Variants in EML4 observed in about 807,000 individuals in gnomAD.
The protein encoded by EML4 is echinoderm microtubule-associated protein-like 4.
A neutral mutation model predicts 129.0 loss-of-function variants in EML4; 72 were observed. The ratio of observed to expected loss-of-function variants is 0.56; its 90% CI spans 0.46 to 0.68. The LOEUF (loss-of-function observed/expected upper bound fraction) is 0.68, where lower values mean the gene tolerates loss of function less well. EML4 is among the 30% of genes least tolerant of loss of function. The pLI is 0.00. For synonymous variants in EML4, 532 were observed against 405.0 expected (o/e 1.31, Z -3.77); for missense variants, 1,363 against 1,190.6 (o/e 1.14, Z -2.13).
chr2:42,289,321 A>G (rs1268551228), intron 11 of EML4: 1 of 152,142 alleles, frequency 6.6e-6, no homozygotes, highest in Non-Finnish European at 1.5e-5. Flanking sequence ...CCTACTGGCG[A>G]TTTCTCGATC....
At chr2:42,325,098 C>T (rs570805917) in intron 19 of EML4, 2 of 434,518 alleles carry the variant, frequency 4.6e-6, no homozygotes, top group Admixed American at 4.9e-5. Context: ...CAACTTATAA[C>T]CAACACTTCA....
At position 42,264,107 on chromosome 2, in the gene EML4, T is replaced by G. The variant is rs6544526; in HGVS notation, c.642-599T>G. Among the ~76,000 whole-genome samples, 261 of 133,192 alleles carry G rather than the reference T, an allele frequency of 2.0e-3. 2 individuals carry two copies. Among genetic ancestry groups the G allele is most frequent in the African/African-American group, 7.2e-3 (243 of 33,750 alleles). The allele number at this position is 133,192 out of a possible 152,430, so 87.4% of individuals were successfully genotyped here. ...CTCCCAACTCAAACAATACGTGTTT[T>G]TTTTTTTTTTTTTTTTTTTTTTGAG... On this transcript the variant is annotated intron_variant, in intron 5 of 22. Coordinates refer to ENST00000318522, the MANE Select transcript of EML4 (RefSeq NM_019063.5).
chr2:42,206,328 C>G (rs548192553), intron 1 of EML4, among the ~76,000 whole-genome samples: 1 of 152,156 alleles, frequency 6.6e-6, no homozygotes, highest in African/African-American at 2.4e-5. Context: ...ATCCTCCCAC[C>G]TCAGCCTCCT....
chr2:42,290,725 C>T (rs781744327), intron 11 of EML4, among the ~76,000 whole-genome samples: 42 of 152,098 alleles, frequency 2.8e-4, no homozygotes, highest in Non-Finnish European at 4.1e-4. Context: ...GAGCGAGACC[C>T]TGTCTCAAAA....
At position 42,317,330 on chromosome 2, in the gene EML4, T is replaced by C. The variant is rs559761820; in HGVS notation, c.2057-97T>C. On this transcript the variant is annotated intron_variant, in intron 18 of 22. Transcript: ENST00000318522. Reference sequence around the variant, plus strand: ...ATTCATTAATTGCCAAATAGTTAAATTGATGAGATTTAACAGCATTTGTAA... The same window carrying C: ...ATTCATTAATTGCCAAATAGTTAAACTGATGAGATTTAACAGCATTTGTAA... The C allele has an allele frequency of 2.5e-5, 20 of 787,316 alleles. No individual in the cohort carries two copies. In the East Asian group the frequency reaches 2.9e-4, roughly 11 times the overall value. 48.8% of individuals were successfully genotyped at this position (787,316 alleles called of 1,614,324 possible). A position where few individuals can be genotyped will look rare whatever the true frequency, so the allele number is the denominator to read the frequency against.
intron 1 of EML4, among the ~76,000 whole-genome samples, chr2:42,229,516 AAGCAAGACAG>A (rs1485505324): frequency 1.3e-5 from 2 of 152,086 alleles, no homozygotes; most frequent in African/African-American, 2.4e-5. Context: ...TTTTTTCATA[AAGCAAGACAG>A]ATAACTGTCT....
At chr2:42,307,283 A>G (rs1025682779) in intron 17 of EML4, among the ~76,000 whole-genome samples, 2 of 152,238 alleles carry the variant, frequency 1.3e-5, no homozygotes, top group African/African-American at 4.8e-5. Context: ...AAGTCACTCA[A>G]TTTTAGTGAC....
chr2:42,206,535 G>GT, intron 1 of EML4, among the ~76,000 whole-genome samples: 1 of 152,270 alleles, frequency 6.6e-6, no homozygotes, highest in East Asian at 1.9e-4. Context: ...TTTATGCCTA[G>GT]TTTTATGTCT....
At chr2:42,204,707 A>G (rs1255934316) in intron 1 of EML4, among the ~76,000 whole-genome samples, 1 of 152,224 alleles carries the variant, frequency 6.6e-6, no homozygotes, top group Non-Finnish European at 1.5e-5. Flanking sequence ...TAGTGTGCCA[A>G]CAACTACTGA....
intron 1 of EML4, among the ~76,000 whole-genome samples, chr2:42,196,499 A>G (rs1248725856): frequency 1.3e-5 from 2 of 152,206 alleles, no homozygotes; most frequent in Non-Finnish European, 2.9e-5. Context: ...GGATAAATTG[A>G]GAGTCAGCTG....
chr2:42,192,797 C>T (rs1270522618), intron 1 of EML4, among the ~76,000 whole-genome samples: 2 of 152,166 alleles, frequency 1.3e-5, no homozygotes, highest in Admixed American at 1.3e-4. Flanking sequence ...TCTGAGTCTT[C>T]AGAGCAACTG....
At position 42,303,178 on chromosome 2, in the gene EML4, A is replaced by C. The variant is rs776422174; in HGVS notation, c.1716A>C (p.Arg572=). 5.0e-6 allele frequency: 8 copies of C among 1,614,066 alleles called. No homozygotes were observed. Among genetic ancestry groups the C allele is most frequent in the Admixed American group, 3.3e-5 (2 of 60,006 alleles). ...KADQFLVGTS[R]NFILRGTFND... ...ATCAATTTTTAGTAGGCACATCACGAAACTTTATTTTACGAGGAACATTTA... is the reference window on the plus strand; with the variant it reads ...ATCAATTTTTAGTAGGCACATCACGCAACTTTATTTTACGAGGAACATTTA... Residue 572 remains arginine (R), a synonymous_variant, in exon 15 of 23, where the codon CGA becomes CGC. Transcript: ENST00000318522.
At chr2:42,177,400 C>T (rs536612482) in intron 1 of EML4, among the ~76,000 whole-genome samples, 66 of 152,168 alleles carry the variant, frequency 4.3e-4, no homozygotes, top group African/African-American at 1.3e-3. Flanking sequence ...GCGGGCGGCT[C>T]ACTTGAGCTC....
intron 1 of EML4, among the ~76,000 whole-genome samples, chr2:42,201,265 A>G (rs901440520): frequency 6.6e-6 from 1 of 152,188 alleles, no homozygotes; most frequent in Non-Finnish European, 1.5e-5. Flanking sequence ...GATGTACTTT[A>G]TGTGTATTGG....
chr2:42,187,363 A>G (rs1020342514), intron 1 of EML4, among the ~76,000 whole-genome samples: 2 of 152,080 alleles, frequency 1.3e-5, no homozygotes, highest in East Asian at 1.9e-4. Flanking sequence ...TGTCTTTTCT[A>G]GAATTTCACA....
intron 1 of EML4, among the ~76,000 whole-genome samples, chr2:42,200,432 C>G (rs753494071): frequency 2.2e-4 from 34 of 152,170 alleles, no homozygotes; most frequent in Non-Finnish European, 4.6e-4. Flanking sequence ...AGAGAGCAGT[C>G]TTTTTTGAAT....
chr2:42,242,924 C>T (rs564880635), intron 1 of EML4, among the ~76,000 whole-genome samples: 6 of 152,066 alleles, frequency 3.9e-5, no homozygotes, highest in Admixed American at 1.3e-4. Flanking sequence ...ACTACAAACA[C>T]GTGCCACCAT....
chr2:42,170,090 G>A (rs1220124912), intron 1 of EML4: 1 of 156,272 alleles, frequency 6.4e-6, no homozygotes, highest in Non-Finnish European at 1.4e-5. Flanking sequence ...CCGAACAGAG[G>A]CTCCTTTTTA....
intron 1 of EML4, among the ~76,000 whole-genome samples, chr2:42,216,122 G>A (rs28730428): frequency 0.36 from 54,386 of 150,434 alleles, 10,609 homozygotes; most frequent in African/African-American, 0.52. Flanking sequence ...GTTTCACCAT[G>A]TTGGTCAGGC....
Sources: gnomAD v4.1 joint callset for allele counts (sites outside exome capture counted in the v4.1 genomes callset) on GRCh38, gnomAD v4.1.1 for gene constraint, MANE v1.5 for transcripts, NCBI Gene and HGNC (gene_info 2026-07-23, HGNC 2026-07-21) for gene names.